Variants in TASP1 observed in about 807,000 individuals in gnomAD.
TASP1 encodes the protein threonine aspartase 1.
TASP1 carries 16 observed loss-of-function variants against 56.6 expected under a neutral mutation model. The ratio of observed to expected loss-of-function variants is 0.28; its 90% CI spans 0.19 to 0.43. TASP1 has a LOEUF of 0.43. TASP1 is among the 20% of genes least tolerant of loss of function. The pLI, the probability that TASP1 is intolerant of heterozygous loss-of-function variation, is 1.00. For missense variants in TASP1, 393 were observed against 511.6 expected (o/e 0.77, Z 2.24); for synonymous variants, 179 against 184.2 (o/e 0.97, Z 0.23).
the TASP1 span, among the ~76,000 whole-genome samples, chr20:13,153,145 C>A: frequency 1.3e-5 from 2 of 152,322 alleles, no homozygotes; most frequent in East Asian, 3.9e-4. Flanking sequence ...TCTTATTGAG[C>A]AAACACTATC....
the TASP1 span, among the ~76,000 whole-genome samples, chr20:13,376,615 A>T: frequency 6.6e-6 from 1 of 152,202 alleles, no homozygotes; most frequent in South Asian, 2.1e-4. Flanking sequence ...TTCTGTGAAT[A>T]AAGTCAATGG....
chr20:13,136,146 C>T, the TASP1 span, among the ~76,000 whole-genome samples: 1 of 152,116 alleles, frequency 6.6e-6, no homozygotes, highest in African/African-American at 2.4e-5. Flanking sequence ...ACACATGTCC[C>T]TCTCTGCCCT....
intron 12 of TASP1, among the ~76,000 whole-genome samples, chr20:13,427,082 T>A (rs1020863686): frequency 5.3e-5 from 8 of 152,234 alleles, no homozygotes; most frequent in Non-Finnish European, 5.9e-5. Context: ...AAGTGCTCAC[T>A]GTGGCATGTG....
chr20:13,606,015 A>C (rs556806985), intron 4 of TASP1, among the ~76,000 whole-genome samples: 1 of 152,244 alleles, frequency 6.6e-6, no homozygotes, highest in East Asian at 1.9e-4. Flanking sequence ...CACATCAAGA[A>C]AGCCCCTACC....
the TASP1 span, among the ~76,000 whole-genome samples, chr20:13,291,383 TG>T: frequency 6.6e-6 from 1 of 152,224 alleles, no homozygotes; most frequent in African/African-American, 2.4e-5. Flanking sequence ...AAAGTCTCCC[TG>T]GCCTGGCAGT....
In TASP1 at chr20:13,559,770, C is replaced by T. The variant is rs186223554; in HGVS notation, c.569-656G>A. 2.0e-5 allele frequency among the ~76,000 whole-genome samples: 3 copies of T among 152,084 alleles called. No individual in the cohort carries two copies. The East Asian group carries it at 5.8e-4, about 29-fold the overall frequency. ...GGGCCTCCAAACACAAATGCAAATA[C>T]TCCCCAGAAAAACAAACTGGCCTTA... is the stretch of plus-strand genomic sequence containing the variant. On this transcript the variant is annotated intron_variant, in intron 7 of 13. Coordinates refer to ENST00000337743, the MANE Select transcript of TASP1 (RefSeq NM_017714.3).
At chr20:13,475,109 C>T (rs1321745294) in intron 11 of TASP1, among the ~76,000 whole-genome samples, 5 of 152,260 alleles carry the variant, frequency 3.3e-5, no homozygotes, top group Middle Eastern at 3.4e-3. Context: ...TGAGACTTCC[C>T]AAATCCTCCC....
At chr20:13,600,758 A>T (rs990389871) in intron 4 of TASP1, 2 of 152,348 alleles carry the variant, frequency 1.3e-5, no homozygotes, top group African/African-American at 4.8e-5. Flanking sequence ...AAAGCAAGCC[A>T]TTATACATAT....
chr20:13,298,178 T>G, the TASP1 span, among the ~76,000 whole-genome samples: 3 of 152,246 alleles, frequency 2.0e-5, no homozygotes, highest in Non-Finnish European at 4.4e-5. Context: ...CAATCTCAGC[T>G]CACTGCAACC....
At chr20:13,154,515 G>C in the TASP1 span, among the ~76,000 whole-genome samples, 1 of 152,118 alleles carries the variant, frequency 6.6e-6, no homozygotes, top group East Asian at 1.9e-4. Flanking sequence ...ATGTGATCAG[G>C]CTCTGTGCTT....
chr20:13,517,131 T>C (rs2044569614), intron 10 of TASP1, among the ~76,000 whole-genome samples: 1 of 152,132 alleles, frequency 6.6e-6, no homozygotes, highest in African/African-American at 2.4e-5. Flanking sequence ...CATTCGGTGC[T>C]AATATAAGCC....
the TASP1 span, among the ~76,000 whole-genome samples, chr20:13,273,964 C>A: frequency 2.3e-3 from 347 of 152,138 alleles, 3 homozygotes; most frequent in Non-Finnish European, 4.3e-3. Context: ...TGTGGAAGAC[C>A]ACAAAATGTT....
the TASP1 span, among the ~76,000 whole-genome samples, chr20:13,251,947 GA>G: frequency 6.6e-6 from 1 of 151,778 alleles, no homozygotes; most frequent in African/African-American, 2.4e-5. Context: ...GTAAGTGAGA[GA>G]GTCCAAGCTG....
intron 8 of TASP1, among the ~76,000 whole-genome samples, chr20:13,554,111 C>T (rs1031832905): frequency 1.3e-5 from 2 of 152,230 alleles, no homozygotes; most frequent in African/African-American, 2.4e-5. Context: ...GATGTGACAT[C>T]TAAAATTTCA....
chr20:13,391,967 CAAAAAA>C (rs36124207), intron 13 of TASP1, among the ~76,000 whole-genome samples: 1 of 71,884 alleles, frequency 1.4e-5, no homozygotes, highest in African/African-American at 4.2e-5. Flanking sequence ...GACTCCGTCT[CAAAAAA>C]AAAAAAAAAA....
intron 4 of TASP1, among the ~76,000 whole-genome samples, chr20:13,612,327 G>A (rs1240490652): frequency 1.3e-5 from 2 of 151,994 alleles, no homozygotes; most frequent in Non-Finnish European, 2.9e-5. Flanking sequence ...AGAGTCCACA[G>A]GAAGTCATGG....
chr20:13,316,318 A>G, the TASP1 span, among the ~76,000 whole-genome samples: 18,348 of 151,994 alleles, frequency 0.12, 1,237 homozygotes, highest in Admixed American at 0.18. Flanking sequence ...GTCAAAACAG[A>G]AAGCACTAGC....
the TASP1 span, among the ~76,000 whole-genome samples, chr20:13,171,308 T>A: frequency 6.6e-6 from 1 of 152,194 alleles, no homozygotes; most frequent in African/African-American, 2.4e-5. Flanking sequence ...TGTAACAAAA[T>A]AGGTTTCTTT....
At chr20:13,627,867 C>A (rs1198890002) in intron 2 of TASP1, among the ~76,000 whole-genome samples, 1 of 151,988 alleles carries the variant, frequency 6.6e-6, no homozygotes, top group East Asian at 1.9e-4. Context: ...GACCAAACAA[C>A]ACCAGAGATA....
Sources: gnomAD v4.1 joint callset for allele counts (sites outside exome capture counted in the v4.1 genomes callset) on GRCh38, gnomAD v4.1.1 for gene constraint, MANE v1.5 for transcripts, NCBI Gene and HGNC (gene_info 2026-07-23, HGNC 2026-07-21) for gene names.